INF2: variants seen among roughly 807,000 people sequenced by gnomAD.
The protein encoded by INF2 is inverted formin-2.
In INF2, 43 loss-of-function variants were observed where a neutral mutation model predicts 123.5. The ratio of observed to expected loss-of-function variants is 0.35; its 90% CI spans 0.27 to 0.45. The LOEUF is 0.45. Ranked by LOEUF, INF2 falls within the 20% of genes least tolerant of loss-of-function variation. The probability of loss-of-function intolerance (pLI) is 1.00; values close to 1 mark genes in which losing one functional copy is unlikely to be tolerated. For synonymous variants in INF2, 851 were observed against 745.0 expected (o/e 1.14, Z -2.32); for missense variants, 1,453 against 1,682.7 (o/e 0.86, Z 2.39).
chr14:104,707,022 T>G lies in INF2; in HGVS notation c.956T>G (p.Val319Gly), dbSNP rs1274519959. 1.3e-6 allele frequency: 2 copies of G among 1,588,804 alleles called. No individual in the cohort carries two copies. The highest frequency in any genetic ancestry group is 1.7e-5 in the Admixed American group (1 of 58,612). ...CTCTGGGAGGCCCTGGAGAGCCTCG[T>G]GAACCGGGCCGTGCTCCTGGCCAGC... Reference protein sequence around the residue: ...QLLWEALESLVNRAVLLASDA... With the variant: ...QLLWEALESLGNRAVLLASDA... Residue 319 changes from valine to glycine, a missense_variant, in exon 7 of 23, where the codon GTG becomes GGG. Val to Gly is a moderately radical substitution (Grantham distance 109). Transcript: ENST00000392634.
chr14:104,705,208 GGAGTTC>G (rs1211168110), intron 5 of INF2, among the ~76,000 whole-genome samples: 2 of 152,214 alleles, frequency 1.3e-5, no homozygotes, highest in African/African-American at 4.8e-5. Flanking sequence ...CCTGAGGTCA[GGAGTTC>G]GAGACCAGCT....
In INF2 at chr14:104,682,972, G is replaced by A. The variant is rs554040897; in HGVS notation, c.-104+1390G>A. Among the ~76,000 whole-genome samples, 235 of 152,074 alleles carry A rather than the reference G, an allele frequency of 1.5e-3. 1 individual carries two copies. The highest frequency in any genetic ancestry group is 5.5e-3 in the African/African-American group (230 of 41,490). On this transcript the variant is annotated intron_variant, in intron 1 of 2. Transcript: ENST00000674723. ...TGCCTGGGATAGCTCAGAGTAACAC[G>A]GCTATACGGCACTCAGGGTTGGAAG...
rs369097477 is a variant in INF2, at chr14:104,711,231, C to T, written c.2418+45C>T. On this transcript the variant is annotated intron_variant, in intron 15 of 22. Coordinates refer to ENST00000392634, the MANE Select transcript of INF2 (RefSeq NM_022489.4). ...GCATAATGGGAGGGCTTCAAGTCCC[C>T]CCGGACCTGGGGTGTAGAGGCGTAG... 70 of 1,477,272 alleles carry T rather than the reference C, an allele frequency of 4.7e-5. No individual in the cohort carries two copies. The African/African-American group carries it at 9.2e-4, about 19-fold the overall frequency. 91.5% of individuals were successfully genotyped at this position (1,477,272 alleles called of 1,614,324 possible). A position where few individuals can be genotyped will look rare whatever the true frequency, so the allele number is the denominator to read the frequency against.
chr14:104,712,390 C>T (rs536336253), intron 16 of INF2, 43 bp from the exon 17 acceptor site: 13 of 1,610,146 alleles, frequency 8.1e-6, no homozygotes, highest in South Asian at 5.5e-5. Flanking sequence ...GCGAGGCTGA[C>T]GTCAGCCGTT....
At chr14:104,681,872 C>T (rs1016680191) in intron 1 of INF2, among the ~76,000 whole-genome samples, 9 of 152,156 alleles carry the variant, frequency 5.9e-5, no homozygotes, top group Admixed American at 5.2e-4. Flanking sequence ...AACTGGGGAG[C>T]CAGGCAGGGA....
upstream of INF2, among the ~76,000 whole-genome samples, chr14:104,686,956 T>C (rs1293815558): frequency 6.6e-6 from 1 of 152,214 alleles, no homozygotes; most frequent in Admixed American, 6.5e-5. Flanking sequence ...GGGCCACTCT[T>C]GCACTCTGTG....
At chr14:104,717,373 C>T (rs1890359039) in intron 22 of INF2, among the ~76,000 whole-genome samples, 1 of 152,104 alleles carries the variant, frequency 6.6e-6, no homozygotes, top group Non-Finnish European at 1.5e-5. Flanking sequence ...CTCCCAGTCC[C>T]CCCCGGGCAG....
rs372799744 is a variant in INF2 at position 104,706,077 on chromosome 14, C to T, written c.744C>T (p.Phe248=). 1.3e-4 allele frequency: 217 copies of T among 1,612,456 alleles called. No individual in the cohort carries two copies. Among genetic ancestry groups the T allele is most frequent in the Non-Finnish European group, 1.7e-4 (198 of 1,179,746 alleles). The change falls in exon 6 of 23, where the codon TTC becomes TTT. Residue 248 remains phenylalanine (F), a synonymous_variant. Coordinates refer to ENST00000392634, the MANE Select transcript of INF2 (RefSeq NM_022489.4). ...DADLLIQLEA[F]EEAKAEDEEE... is the part of the protein sequence containing the mutation. Reference sequence around the variant, plus strand: ...ACCTGCTGATCCAGCTGGAGGCTTTCGAGGAGGCTAAGGCCGAGGACGAGG... The same window carrying T: ...ACCTGCTGATCCAGCTGGAGGCTTTTGAGGAGGCTAAGGCCGAGGACGAGG...
At chr14:104,709,188 C>T (rs568446245) in intron 10 of INF2, 93 bp from the exon 11 acceptor site, 24 of 945,950 alleles carry the variant, frequency 2.5e-5, no homozygotes, top group African/African-American at 1.1e-4. Flanking sequence ...CCCATGACTA[C>T]GTGGGGAAAC....
intron 1 of INF2, among the ~76,000 whole-genome samples, chr14:104,692,246 C>G (rs1331997579): frequency 6.6e-6 from 1 of 152,240 alleles, no homozygotes; most frequent in Non-Finnish European, 1.5e-5. Flanking sequence ...GTGGGTCCTG[C>G]AGGAGCGTTC....
In INF2 at chr14:104,707,027, C is replaced by T. The variant is rs1889811353; in HGVS notation, c.961C>T (p.Arg321Trp). 3.2e-6 allele frequency: 5 copies of T among 1,585,796 alleles called. No homozygotes were observed. The highest frequency in any genetic ancestry group is 3.4e-6 in the Non-Finnish European group (4 of 1,173,860). Residue 321 changes from arginine to tryptophan, a missense_variant, in exon 7 of 23, where the codon CGG (arginine) becomes TGG (tryptophan). Around this residue, in one of 8 missense-constraint regions of INF2, gnomAD observed 374 missense variants for 303.7 expected, o/e 1.23. Transcript: ENST00000392634. ...GGAGGCCCTGGAGAGCCTCGTGAACCGGGCCGTGCTCCTGGCCAGCGATGG... is the reference window on the plus strand; with the variant it reads ...GGAGGCCCTGGAGAGCCTCGTGAACTGGGCCGTGCTCCTGGCCAGCGATGG... ...LWEALESLVN[R>W]AVLLASDAQE...
chr14:104,681,646 C>T (rs1595143747), intron 1 of INF2: 17 of 1,247,148 alleles, frequency 1.4e-5, no homozygotes, highest in Middle Eastern at 2.2e-4. Flanking sequence ...GACACGGGGG[C>T]GGAGAGGTGG....
upstream of INF2, chr14:104,689,586 T>C (rs1217175169): frequency 1.2e-6 from 1 of 863,986 alleles, no homozygotes; most frequent in East Asian, 1.4e-4. Context: ...GCACCTCCTC[T>C]TCCTCCCGCC....
At chr14:104,705,977 C>G in intron 5 of INF2, 58 bp from the exon 6 acceptor site, 1 of 1,582,778 alleles carries the variant, frequency 6.3e-7, no homozygotes, top group South Asian at 1.1e-5. Context: ...CAGGCTGCCC[C>G]GCCTGCGTGT....
chr14:104,708,305 C>G, intron 8 of INF2, 131 bp from the exon 9 acceptor site: 1 of 1,213,796 alleles, frequency 8.2e-7, no homozygotes, highest in Non-Finnish European at 1.2e-6. Flanking sequence ...GCCTGCTGTA[C>G]GCTGGACCTG....
At chr14:104,704,992 G>T (rs771467872) in intron 5 of INF2, among the ~76,000 whole-genome samples, 1 of 151,750 alleles carries the variant, frequency 6.6e-6, no homozygotes, top group Non-Finnish European at 1.5e-5. Context: ...GCTAAATCTT[G>T]CAGCCCTGCT....
rs1382169614 is a variant in INF2 at position 104,703,120 on chromosome 14, A to G, written c.407A>G (p.Asn136Ser). 2 of 1,613,560 alleles carry G rather than the reference A, an allele frequency of 1.2e-6. No individual in the cohort carries two copies. The highest frequency in any genetic ancestry group is 1.1e-5 in the South Asian group (1 of 91,082). Residue 136 changes from asparagine (N) to serine (S), a missense_variant, in exon 3 of 23, where the codon AAC (asparagine) becomes AGC (serine). Asn to Ser is a conservative substitution (Grantham distance 46, BLOSUM62 1). Coordinates refer to ENST00000392634, the MANE Select transcript of INF2 (RefSeq NM_022489.4). ...RQLSQALDTS[N>S]VMVKKQVFEL... ...ACCCTGGCAGCCCTGGACACATCCAACGTGATGGTGAAGAAGCAGGTGTTT... is the reference window on the plus strand; with the variant it reads ...ACCCTGGCAGCCCTGGACACATCCAGCGTGATGGTGAAGAAGCAGGTGTTT...
intron 6 of INF2, 93 bp downstream of exon 6, chr14:104,706,269 C>G (rs1297955314): frequency 7.6e-7 from 1 of 1,316,064 alleles, no homozygotes; most frequent in African/African-American, 1.5e-5. Context: ...CCTCCCTGCC[C>G]TGGTCAGACC....
At position 104,707,465 on chromosome 14, in the gene INF2, G is replaced by A. The variant is rs1364649058; in HGVS notation, c.1198G>A (p.Ala400Thr). 5.8e-6 allele frequency: 9 copies of A among 1,555,232 alleles called. No homozygotes were observed. Among genetic ancestry groups the A allele is most frequent in the Middle Eastern group, 3.3e-4 (2 of 6,004 alleles). ...AAAACEPVDH[A>T]QSESILKVSQ... ...TGCTGCCTGCGAGCCCGTGGACCAC[G>A]CCCAGAGTGAGAGCATCCTGAAAGT... Residue 400 changes from alanine (A) to threonine (T), a missense_variant, in exon 8 of 23, where the codon GCC becomes ACC. Ala to Thr is a moderately conservative substitution (Grantham distance 58, BLOSUM62 0). Transcript: ENST00000392634.
Sources: allele counts gnomAD v4.1 joint callset (sites outside exome capture counted in the v4.1 genomes callset), GRCh38; gene constraint gnomAD v4.1.1; regional missense constraint gnomAD v4.1.1; transcripts MANE v1.5; gene names NCBI Gene and HGNC (gene_info 2026-07-23, HGNC 2026-07-21).